The following GLI2 variants were observed in gnomAD, a reference collection of about 807,000 sequenced individuals.
GLI2 encodes the protein GLI family zinc finger 2.
In GLI2, 22 loss-of-function variants were observed where a neutral mutation model predicts 78.9. The ratio of observed to expected loss-of-function variants is 0.28; its 90% CI spans 0.20 to 0.40. GLI2 has a LOEUF of 0.40. Among genes scored for constraint, GLI2 ranks in the 10% least tolerant of loss-of-function variants. GLI2 has a pLI of 1.00. For synonymous variants in GLI2, 974 were observed against 963.7 expected (o/e 1.01, Z -0.20); for missense variants, 2,097 against 2,213.2 (o/e 0.95, Z 1.05).
chr2:120,747,002 A>G (rs1156731610), intron 1 of GLI2, among the ~76,000 whole-genome samples: 5 of 152,156 alleles, frequency 3.3e-5, no homozygotes, highest in Non-Finnish European at 5.9e-5. Flanking sequence ...TCATCCTTAT[A>G]CCATTGGGCA....
At chr2:120,954,153 G>C (rs1369677924) in intron 4 of GLI2, among the ~76,000 whole-genome samples, 1 of 152,218 alleles carries the variant, frequency 6.6e-6, no homozygotes, top group Non-Finnish European at 1.5e-5. Flanking sequence ...CTGAATTCGA[G>C]TCCTGTGTGC....
intron 2 of GLI2, among the ~76,000 whole-genome samples, chr2:120,880,338 T>C (rs1677057031): frequency 1.3e-5 from 2 of 152,184 alleles, no homozygotes; most frequent in Admixed American, 1.3e-4. Context: ...TGGGCAAACT[T>C]CATTACTTTT....
chr2:120,984,855 C>A, intron 12 of GLI2, 112 bp downstream of exon 12: 1 of 1,065,314 alleles, frequency 9.4e-7, no homozygotes, highest in Non-Finnish European at 1.4e-6. Flanking sequence ...AGGGGCACAG[C>A]GATATCCCTC....
At chr2:120,880,932 C>T (rs929956178) in intron 2 of GLI2, among the ~76,000 whole-genome samples, 16 of 152,146 alleles carry the variant, frequency 1.1e-4, no homozygotes, top group African/African-American at 3.4e-4. Context: ...CTGCCCCCAC[C>T]AGGGAGCAAA....
intron 2 of GLI2, among the ~76,000 whole-genome samples, chr2:120,893,821 G>A (rs1373098085): frequency 1.3e-5 from 2 of 152,328 alleles, no homozygotes; most frequent in South Asian, 2.1e-4. Flanking sequence ...GTCTTCAAGT[G>A]CATTCTGCCT....
chr2:120,834,895 CATT>C lies in GLI2; in HGVS notation c.148+37428_148+37430del, dbSNP rs1446059874. Among the ~76,000 whole-genome samples the C allele has an allele frequency of 1.8e-4, 27 of 152,216 alleles. No individual in the cohort carries two copies. The East Asian group carries it at 3.7e-3, about 21-fold the overall frequency. ...ACCTTCTGGTGCACTCCTCATGTGGCATTTCAGGGGCTCTGCACCCCATGTTCT... is the reference window on the plus strand; with the variant it reads ...ACCTTCTGGTGCACTCCTCATGTGGCTCAGGGGCTCTGCACCCCATGTTCT... On this transcript the variant is annotated intron_variant, in intron 2 of 13. Transcript: ENST00000361492.
At chr2:120,962,682 C>T (rs1449877715) in intron 5 of GLI2, among the ~76,000 whole-genome samples, 2 of 152,108 alleles carry the variant, frequency 1.3e-5, no homozygotes, top group Non-Finnish European at 2.9e-5. Flanking sequence ...GAAATGAGTG[C>T]CAGGCTTTTC....
chr2:120,758,671 G>A (rs545138283), intron 1 of GLI2, among the ~76,000 whole-genome samples: 6 of 152,344 alleles, frequency 3.9e-5, no homozygotes, highest in Non-Finnish European at 8.8e-5. Context: ...AGCTTCGGGC[G>A]GGGTGGCTGT....
In GLI2 at chr2:120,844,271, C is replaced by T. The variant is rs1009923685; in HGVS notation, c.148+46803C>T. 3.9e-5 allele frequency among the ~76,000 whole-genome samples: 6 copies of T among 152,194 alleles called. No individual in the cohort carries two copies. In the East Asian group the frequency reaches 5.8e-4, roughly 15 times the overall value. ...GCAGCATAGATGGTATGTGCATGAT[C>T]GAGCAGGGCTGTGTCCCAGTGAAAT... On this transcript the variant is annotated intron_variant, in intron 2 of 13. Coordinates refer to ENST00000361492, the MANE Select transcript of GLI2 (RefSeq NM_001374353.1).
chr2:120,871,497 C>A (rs1166588062), intron 2 of GLI2, among the ~76,000 whole-genome samples: 1 of 152,248 alleles, frequency 6.6e-6, no homozygotes. Flanking sequence ...CTGGCCACAC[C>A]CAGACCAGGA....
At chr2:120,914,685 C>T (rs1262087614) in intron 2 of GLI2, among the ~76,000 whole-genome samples, 2 of 152,182 alleles carry the variant, frequency 1.3e-5, no homozygotes, top group African/African-American at 2.4e-5. Context: ...GGGCAGGAGC[C>T]CAGCAGAGGG....
chr2:120,968,659 ACCCCCT>A, intron 5 of GLI2, 49 bp from the exon 6 acceptor site: 2 of 1,168,952 alleles, frequency 1.7e-6, no homozygotes, highest in Non-Finnish European at 2.6e-6. Flanking sequence ...CCCACATGTC[ACCCCCT>A]CCCCCATCCC....
chr2:120,957,044 A>G (rs565556539), intron 5 of GLI2, among the ~76,000 whole-genome samples: 1 of 152,116 alleles, frequency 6.6e-6, no homozygotes, highest in Admixed American at 6.5e-5. Context: ...GGCCCACCTC[A>G]TACTTACAGC....
chr2:120,768,448 G>A (rs1304463102), intron 1 of GLI2, among the ~76,000 whole-genome samples: 1 of 152,216 alleles, frequency 6.6e-6, no homozygotes, highest in East Asian at 1.9e-4. Flanking sequence ...CTGGCCTGCA[G>A]GCTGAGAGCA....
At chr2:120,905,023 G>A (rs1678451808) in intron 2 of GLI2, among the ~76,000 whole-genome samples, 1 of 152,228 alleles carries the variant, frequency 6.6e-6, no homozygotes, top group South Asian at 2.1e-4. Flanking sequence ...TTGCAGGACT[G>A]AAATGTGAGC....
At chr2:120,924,902 G>A (rs1010431492) in intron 2 of GLI2, among the ~76,000 whole-genome samples, 53 of 152,232 alleles carry the variant, frequency 3.5e-4, no homozygotes, top group Admixed American at 9.2e-4. Context: ...CGGGCGAAGC[G>A]CCTCCTGTGT....
chr2:120,823,140 C>T (rs1301515042), intron 2 of GLI2, among the ~76,000 whole-genome samples: 1 of 152,204 alleles, frequency 6.6e-6, no homozygotes, highest in Admixed American at 6.5e-5. Context: ...GCAGCGGCCG[C>T]ACACCGTCTT....
At chr2:120,941,480 G>A (rs562377626) in intron 3 of GLI2, among the ~76,000 whole-genome samples, 3 of 152,332 alleles carry the variant, frequency 2.0e-5, no homozygotes, top group East Asian at 3.9e-4. Flanking sequence ...CGGTAGAGCC[G>A]AGGGTGGCAG....
At chr2:120,817,762 GCCCCTCCCCACCCAT>G (rs1573423874) in intron 2 of GLI2, among the ~76,000 whole-genome samples, 1 of 152,086 alleles carries the variant, frequency 6.6e-6, no homozygotes, top group African/African-American at 2.4e-5. Flanking sequence ...TGTACACAGT[GCCCCTCCCCACCCAT>G]CCCACATCAC....
Sources: gnomAD v4.1 joint callset for allele counts (sites outside exome capture counted in the v4.1 genomes callset) on GRCh38, gnomAD v4.1.1 for gene constraint, MANE v1.5 for transcripts, NCBI Gene and HGNC (gene_info 2026-07-23, HGNC 2026-07-21) for gene names.